The following RANBP2 variants were observed in gnomAD, a reference collection of about 807,000 sequenced individuals.
RANBP2 encodes E3 SUMO-protein ligase RanBP2.
In RANBP2, 57 loss-of-function variants were observed where a neutral mutation model predicts 303.6. The observed-to-expected ratio is 0.19, with a 90% CI of 0.15 to 0.23. The LOEUF is 0.23. Among genes scored for constraint, RANBP2 ranks in the 10% least tolerant of loss-of-function variants. RANBP2 has a pLI of 1.00. For synonymous variants in RANBP2, 1,167 were observed against 1,301.5 expected, an observed-to-expected ratio of 0.90 and a Z score of 2.23; for missense variants, 3,138 against 3,780.8, an observed-to-expected ratio of 0.83 and a Z score of 4.46.
the RANBP2 span, among the ~76,000 whole-genome samples, chr2:109,058,923 T>C: frequency 7.2e-5 from 11 of 152,134 alleles, no homozygotes; most frequent in Middle Eastern, 3.4e-3. Flanking sequence ...ACAGTTCACA[T>C]GGACAGTGAG....
At chr2:109,333,431 C>A in the RANBP2 span, among the ~76,000 whole-genome samples, 1 of 152,188 alleles carries the variant, frequency 6.6e-6, no homozygotes, top group African/African-American at 2.4e-5. Flanking sequence ...ATAAAACAAG[C>A]CTAACCTTAG....
At chr2:109,107,573 C>T in the RANBP2 span, among the ~76,000 whole-genome samples, 2 of 152,104 alleles carry the variant, frequency 1.3e-5, no homozygotes, top group Non-Finnish European at 2.9e-5. Context: ...ATATTACTGG[C>T]CATGGTTCTT....
At chr2:108,960,420 C>A in the RANBP2 span, among the ~76,000 whole-genome samples, 1 of 152,088 alleles carries the variant, frequency 6.6e-6, no homozygotes, top group African/African-American at 2.4e-5. Flanking sequence ...GGTGCTCCCC[C>A]CAAAAACAGG....
the RANBP2 span, chr2:109,449,299 G>A: frequency 3.1e-6 from 5 of 1,608,530 alleles, no homozygotes; most frequent in South Asian, 5.6e-5. Context: ...CCGCAGCACA[G>A]CCACCAGCCC....
the RANBP2 span, among the ~76,000 whole-genome samples, chr2:109,193,716 T>C: frequency 1.3e-5 from 2 of 152,206 alleles, no homozygotes; most frequent in South Asian, 2.1e-4. Flanking sequence ...GTATGTAGTA[T>C]ACATTCTGAC....
the RANBP2 span, chr2:108,876,016 T>C: frequency 3.3e-6 from 3 of 918,842 alleles, no homozygotes; most frequent in South Asian, 2.2e-5. Flanking sequence ...ACACATAAAT[T>C]ATCTGTCAGT....
the RANBP2 span, among the ~76,000 whole-genome samples, chr2:109,695,419 C>T: frequency 6.6e-6 from 1 of 152,058 alleles, no homozygotes; most frequent in African/African-American, 2.4e-5. Flanking sequence ...TTGTGTTTAC[C>T]CAGTAGTCCC....
At chr2:109,271,864 C>T in the RANBP2 span, among the ~76,000 whole-genome samples, 2 of 152,220 alleles carry the variant, frequency 1.3e-5, no homozygotes, top group African/African-American at 2.4e-5. Flanking sequence ...GTATTGAATG[C>T]GGCTAGAATC....
the RANBP2 span, among the ~76,000 whole-genome samples, chr2:109,596,894 C>A: frequency 6.6e-6 from 1 of 152,074 alleles, no homozygotes; most frequent in African/African-American, 2.4e-5. Flanking sequence ...AGTTAAATTT[C>A]CAAAACAAGT....
At chr2:108,786,526 G>A (rs1393068173), downstream of RANBP2, among the ~76,000 whole-genome samples, 2 of 152,200 alleles carry the variant, frequency 1.3e-5, no homozygotes, top group Non-Finnish European at 2.9e-5. Context: ...AGCGCTGCAG[G>A]CAGGTGCGGG....
the RANBP2 span, among the ~76,000 whole-genome samples, chr2:108,871,370 T>TAAAAA: frequency 3.9e-5 from 3 of 76,668 alleles, no homozygotes; most frequent in Admixed American, 3.4e-4. Flanking sequence ...CCAACTCTAT[T>TAAAAA]AAAAAAAAAA....
the RANBP2 span, among the ~76,000 whole-genome samples, chr2:109,314,568 G>A: frequency 1.3e-5 from 2 of 152,138 alleles, no homozygotes; most frequent in East Asian, 3.9e-4. Flanking sequence ...TATTATTCCT[G>A]CCACTTCATA....
the RANBP2 span, among the ~76,000 whole-genome samples, chr2:108,870,243 A>G: frequency 9.2e-5 from 14 of 152,372 alleles, no homozygotes; most frequent in South Asian, 2.9e-3. Flanking sequence ...AGAGTTCAAC[A>G]GCAGACTTGA....
the RANBP2 span, among the ~76,000 whole-genome samples, chr2:108,852,672 G>C: frequency 1.6e-4 from 24 of 152,270 alleles, 1 homozygote; most frequent in Middle Eastern, 3.4e-3. Flanking sequence ...AATAACACAT[G>C]TTCTCATTTA....
chr2:109,491,854 C>T, the RANBP2 span, among the ~76,000 whole-genome samples: 15 of 152,210 alleles, frequency 9.9e-5, no homozygotes, highest in Non-Finnish European at 1.6e-4. Context: ...CTTGGCCGTT[C>T]GGGTGCCTGC....
the RANBP2 span, among the ~76,000 whole-genome samples, chr2:109,680,056 T>C: frequency 2.6e-5 from 4 of 151,154 alleles, no homozygotes; most frequent in South Asian, 2.1e-4. Flanking sequence ...AAAAATAAAA[T>C]AAAAGAGGGC....
chr2:108,834,464 C>T, the RANBP2 span, among the ~76,000 whole-genome samples: 3 of 152,126 alleles, frequency 2.0e-5, no homozygotes, highest in African/African-American at 7.2e-5. Context: ...ATCCACACGC[C>T]TTGGCCTCCC....
intron 18 of RANBP2, among the ~76,000 whole-genome samples, chr2:108,761,419 TA>T (rs979282590): frequency 1.3e-5 from 2 of 152,182 alleles, no homozygotes; most frequent in African/African-American, 4.8e-5. Flanking sequence ...TGTTTTCTGG[TA>T]AAACTATCAT....
At chr2:109,647,007 G>C in the RANBP2 span, among the ~76,000 whole-genome samples, 36 of 151,934 alleles carry the variant, frequency 2.4e-4, no homozygotes, top group Non-Finnish European at 4.6e-4. Flanking sequence ...TTAAAATCGT[G>C]GAAGAAATAC....
Sources: gnomAD v4.1 joint callset for allele counts (sites outside exome capture counted in the v4.1 genomes callset) on GRCh38, gnomAD v4.1.1 for gene constraint, MANE v1.5 for transcripts, NCBI Gene and HGNC (gene_info 2026-07-23, HGNC 2026-07-21) for gene names.